Variants in ASB17 observed in about 807,000 individuals in gnomAD.
ASB17 encodes ankyrin repeat and SOCS box protein 17.
A neutral mutation model predicts 25.7 loss-of-function variants in ASB17; 26 were observed. That is an observed-to-expected ratio of 1.01 (90% CI 0.74 to 1.40). ASB17 has a LOEUF of 1.40. Among genes scored for constraint, ASB17 ranks in the 40% most tolerant of loss-of-function variants. ASB17 has a pLI of 0.00. For missense variants in ASB17, 326 were observed against 338.5 expected (o/e 0.96, Z 0.29); for synonymous variants, 128 against 121.4 (o/e 1.05, Z -0.36).
intron 1 of ASB17, among the ~76,000 whole-genome samples, chr1:75,923,728 C>T (rs1653092431): frequency 6.6e-6 from 1 of 152,142 alleles, no homozygotes; most frequent in African/African-American, 2.4e-5. Context: ...AAATGGGAGG[C>T]AGCATGGTAT....
chr1:75,932,276 TAG>T lies in ASB17; in HGVS notation c.14_15del (p.Thr5LysfsTer5), dbSNP rs1280623590. On this transcript the variant is annotated frameshift_variant, in exon 1 of 3. Coordinates refer to ENST00000284142, the MANE Select transcript of ASB17 (RefSeq NM_080868.3). LOFTEE classifies it high-confidence loss of function. ...GGACAAGAAGTCTTACCACATAATT[TAG>T]TAGATTTACTCATTGTTACTTATAG... is the stretch of plus-strand genomic sequence containing the variant. MSKSTKLCGKTSCPR... is the reference protein window; with the variant it reads MSKSXKLCGKTSCPR... 1.2e-6 allele frequency: 2 copies of T among 1,608,604 alleles called. No individual in the cohort carries two copies. The highest frequency in any genetic ancestry group is 2.2e-5 in the South Asian group (2 of 90,098).
intron 1 of ASB17, 129 bp from the exon 2 acceptor site, chr1:75,922,488 C>CTTTTTTTTTTTTTTTTTTTT (rs3037164): frequency 8.5e-6 from 1 of 118,088 alleles, no homozygotes; most frequent in Non-Finnish European, 1.4e-5. Flanking sequence ...TTATATGTTT[C>CTTTTTTTTTTTTTTTTTTTT]TTTTTTTTTT....
chr1:75,920,655 A>G (rs1044139888), intron 2 of ASB17, among the ~76,000 whole-genome samples: 1 of 152,244 alleles, frequency 6.6e-6, no homozygotes, highest in African/African-American at 2.4e-5. Flanking sequence ...CTTCCTGCTC[A>G]ATGCTATTTT....
chr1:75,932,351 G>T lies in ASB17; in HGVS notation c.-60C>A. The T allele has an allele frequency of 6.9e-7, 1 of 1,450,340 alleles. No homozygotes were observed. Among genetic ancestry groups the T allele is most frequent in the Non-Finnish European group, 9.3e-7 (1 of 1,076,306 alleles). 89.8% of individuals were successfully genotyped at this position (1,450,340 alleles called of 1,614,324 possible). A position where few individuals can be genotyped will look rare whatever the true frequency, so the allele number is the denominator to read the frequency against. On this transcript the variant is annotated 5_prime_UTR_variant, in exon 1 of 3. In the 5' UTR this introduces an upstream ATG that the reference lacks. Coordinates refer to ENST00000284142, the MANE Select transcript of ASB17 (RefSeq NM_080868.3). Reference sequence around the variant, plus strand: ...GAGGTAAGCATACTGTAATCCTCCAGTTACATATTTTGACAATGTGGCAGG... The same window carrying T: ...GAGGTAAGCATACTGTAATCCTCCATTTACATATTTTGACAATGTGGCAGG...
At chr1:75,924,877 G>T (rs1653128568) in intron 1 of ASB17, among the ~76,000 whole-genome samples, 1 of 150,848 alleles carries the variant, frequency 6.6e-6, no homozygotes, top group African/African-American at 2.4e-5. Context: ...ACTGTTTTGT[G>T]AACTCTTCTT....
intron 1 of ASB17, 151 bp downstream of exon 1, chr1:75,931,740 G>C (rs950177793): frequency 3.4e-6 from 2 of 582,744 alleles, no homozygotes; most frequent in Non-Finnish European, 5.7e-6. Flanking sequence ...TAATAAAAGA[G>C]TGAAGGAGTG....
intron 1 of ASB17, among the ~76,000 whole-genome samples, chr1:75,924,514 A>G (rs1448283376): frequency 6.6e-6 from 1 of 152,114 alleles, no homozygotes; most frequent in Admixed American, 6.6e-5. Flanking sequence ...GGCACTATAC[A>G]TACATATATG....
chr1:75,929,567 T>C (rs1441282056), intron 1 of ASB17, among the ~76,000 whole-genome samples: 3 of 152,196 alleles, frequency 2.0e-5, no homozygotes, highest in Non-Finnish European at 4.4e-5. Flanking sequence ...TTATACCCCT[T>C]GTATAAAATC....
At chr1:75,928,957 G>A (rs1653245624) in intron 1 of ASB17, among the ~76,000 whole-genome samples, 1 of 152,192 alleles carries the variant, frequency 6.6e-6, no homozygotes, top group Admixed American at 6.5e-5. Context: ...TTTAGATTGT[G>A]TGAGTAGGAA....
chr1:75,931,147 A>T (rs2100617186), intron 1 of ASB17, among the ~76,000 whole-genome samples: 1 of 152,366 alleles, frequency 6.6e-6, no homozygotes, highest in South Asian at 2.1e-4. Context: ...ACAGACTTGC[A>T]TACATAGTAA....
intron 1 of ASB17, among the ~76,000 whole-genome samples, chr1:75,926,134 T>C (rs1315847404): frequency 2.0e-5 from 3 of 152,220 alleles, no homozygotes; most frequent in African/African-American, 7.2e-5. Context: ...TGCCAGGAAC[T>C]GTTTTAGGTG....
intron 1 of ASB17, among the ~76,000 whole-genome samples, chr1:75,924,976 T>G (rs1185747860): frequency 6.6e-6 from 1 of 152,092 alleles, no homozygotes; most frequent in Admixed American, 6.5e-5. Flanking sequence ...ATTTAACACC[T>G]CTAAACTTTC....
Position 75,931,907 on chromosome 1 carries a change from G to A in ASB17, c.385C>T (p.Leu129=). ...KDYVQDRSCN[L]ALIWRTFTPV... ...AATTATTACCTCCATATCAGTGCCAGGTTACAACTTCTGTCTTGAACATAG... is the reference window on the plus strand; with the variant it reads ...AATTATTACCTCCATATCAGTGCCAAGTTACAACTTCTGTCTTGAACATAG... The change falls in exon 1 of 3, where the codon CTG becomes TTG. Residue 129 remains leucine, a synonymous_variant. Coordinates refer to ENST00000284142, the MANE Select transcript of ASB17 (RefSeq NM_080868.3). The A allele has an allele frequency of 6.2e-7, 1 of 1,601,728 alleles. No individual in the cohort carries two copies. Among genetic ancestry groups the A allele is most frequent in the Non-Finnish European group, 8.5e-7 (1 of 1,174,302 alleles).
At chr1:75,927,597 T>G (rs1653205226) in intron 1 of ASB17, among the ~76,000 whole-genome samples, 1 of 152,152 alleles carries the variant, frequency 6.6e-6, no homozygotes, top group East Asian at 1.9e-4. Flanking sequence ...GTAAACTAAG[T>G]ACATGTACTA....
intron 2 of ASB17, among the ~76,000 whole-genome samples, chr1:75,920,863 C>T (rs1653007201): frequency 1.3e-5 from 2 of 152,154 alleles, no homozygotes; most frequent in African/African-American, 2.4e-5. Flanking sequence ...CAAGCTCCGC[C>T]TCCTGGGTTC....
At chr1:75,926,626 T>C (rs1345340514) in intron 1 of ASB17, among the ~76,000 whole-genome samples, 1 of 152,210 alleles carries the variant, frequency 6.6e-6, no homozygotes, top group Non-Finnish European at 1.5e-5. Context: ...AGAAGAGTAG[T>C]GTGATCTGCC....
chr1:75,930,655 T>C (rs1653300105), intron 1 of ASB17, among the ~76,000 whole-genome samples: 1 of 152,180 alleles, frequency 6.6e-6, no homozygotes, highest in Admixed American at 6.6e-5. Flanking sequence ...AAACCTGTCT[T>C]AAGACAGTTG....
At chr1:75,931,744 A>G in intron 1 of ASB17, 147 bp downstream of exon 1, 1 of 590,408 alleles carries the variant, frequency 1.7e-6, no homozygotes, top group Non-Finnish European at 2.8e-6. Context: ...AAAAGAGTGA[A>G]GGAGTGAACA....
At chr1:75,926,159 G>T (rs1653167304) in intron 1 of ASB17, among the ~76,000 whole-genome samples, 1 of 152,090 alleles carries the variant, frequency 6.6e-6, no homozygotes, top group Non-Finnish European at 1.5e-5. Context: ...GGATATATCA[G>T]GAAACAAAAT....
Sources: allele counts gnomAD v4.1 joint callset (sites outside exome capture counted in the v4.1 genomes callset), GRCh38; gene constraint gnomAD v4.1.1; transcripts MANE v1.5; gene names NCBI Gene and HGNC (gene_info 2026-07-23, HGNC 2026-07-21).